The following LPAR3 variants were observed in gnomAD, a reference collection of about 807,000 sequenced individuals.
The protein encoded by LPAR3 is lysophosphatidic acid receptor 3.
LPAR3 carries 7 observed loss-of-function variants against 17.8 expected under a neutral mutation model. That is an observed-to-expected ratio of 0.39 (90% CI 0.22 to 0.74). The LOEUF is 0.74. Among genes scored for constraint, LPAR3 ranks in the 30% least tolerant of loss-of-function variants. The pLI is 0.40. For missense variants in LPAR3, 391 were observed against 453.4 expected, an observed-to-expected ratio of 0.86 and a Z score of 1.25; for synonymous variants, 179 against 179.9, an observed-to-expected ratio of 0.99 and a Z score of 0.04.
At chr1:84,873,042 T>C (rs79160134) in intron 1 of LPAR3, among the ~76,000 whole-genome samples, 1,664 of 152,178 alleles carry the variant, frequency 0.011, 37 homozygotes, top group African/African-American at 0.038. Context: ...TGACCAGTAC[T>C]CCTCAAAACT....
Position 84,841,678 on chromosome 1 carries a change from T to G in LPAR3, c.736+23707A>C, listed in dbSNP as rs995288643. Among the ~76,000 whole-genome samples, 10 of 152,236 alleles carry G rather than the reference T, an allele frequency of 6.6e-5. No homozygotes were observed. In the South Asian group the frequency reaches 1.0e-3, roughly 16 times the overall value. The stretch of plus-strand genomic sequence containing the variant: ...ACCTGCACACCCCTCTCAATCAAAC[T>G]CCCGTGTGTGGCTACACAAACACAT... On this transcript the variant is annotated intron_variant, in intron 2 of 2. Transcript: ENST00000370611.
At chr1:84,833,686 A>G (rs1250005771) in intron 2 of LPAR3, among the ~76,000 whole-genome samples, 1 of 152,220 alleles carries the variant, frequency 6.6e-6, no homozygotes, top group African/African-American at 2.4e-5. Flanking sequence ...GGCAAGGTGT[A>G]TTTAACCTGT....
At chr1:84,878,419 C>T (rs1327115896) in intron 1 of LPAR3, among the ~76,000 whole-genome samples, 1 of 152,096 alleles carries the variant, frequency 6.6e-6, no homozygotes, top group African/African-American at 2.4e-5. Flanking sequence ...CTCTTCTTTT[C>T]CCTTTAAATT....
At chr1:84,818,921 T>C (rs917896659) in intron 2 of LPAR3, among the ~76,000 whole-genome samples, 1 of 152,246 alleles carries the variant, frequency 6.6e-6, no homozygotes, top group African/African-American at 2.4e-5. Flanking sequence ...GTTTCATTTT[T>C]TTCTATGTTT....
chr1:84,873,106 C>G (rs1416135093), intron 1 of LPAR3, among the ~76,000 whole-genome samples: 2 of 152,100 alleles, frequency 1.3e-5, no homozygotes, highest in African/African-American at 2.4e-5. Context: ...CAAGAGGAGC[C>G]TAAGGAGACA....
chr1:84,834,431 A>G (rs1659355753), intron 2 of LPAR3, among the ~76,000 whole-genome samples: 1 of 152,228 alleles, frequency 6.6e-6, no homozygotes, highest in African/African-American at 2.4e-5. Context: ...ATGAGAAGAT[A>G]GATGAGCAGA....
intron 2 of LPAR3, among the ~76,000 whole-genome samples, chr1:84,815,778 A>C (rs185863296): frequency 6.6e-5 from 10 of 152,346 alleles, no homozygotes; most frequent in Admixed American, 5.2e-4. Context: ...TGGTGGGTTC[A>C]CTGAGCAGCA....
intron 1 of LPAR3, among the ~76,000 whole-genome samples, chr1:84,870,947 C>T (rs1004881517): frequency 6.6e-6 from 1 of 152,180 alleles, no homozygotes; most frequent in African/African-American, 2.4e-5. Context: ...CTGCCCCATG[C>T]TATAAAAAAT....
chr1:84,884,732 G>A (rs1277723506), intron 1 of LPAR3, among the ~76,000 whole-genome samples: 1 of 152,178 alleles, frequency 6.6e-6, no homozygotes, highest in Non-Finnish European at 1.5e-5. Flanking sequence ...CTGTCTGTAC[G>A]AAACTGGGGC....
At chr1:84,817,280 C>CACACACACACACAG (rs1658952902) in intron 2 of LPAR3, among the ~76,000 whole-genome samples, 1 of 151,836 alleles carries the variant, frequency 6.6e-6, no homozygotes, top group African/African-American at 2.4e-5. Flanking sequence ...CACACACACA[C>CACACACACACACAG]ACACACACAC....
intron 2 of LPAR3, among the ~76,000 whole-genome samples, chr1:84,833,911 G>A (rs1391633831): frequency 1.3e-5 from 2 of 152,216 alleles, no homozygotes; most frequent in African/African-American, 4.8e-5. Context: ...AGTCTGGGAA[G>A]AGCTGGAAAA....
At chr1:84,859,538 T>C (rs1334350429) in intron 2 of LPAR3, among the ~76,000 whole-genome samples, 1 of 152,176 alleles carries the variant, frequency 6.6e-6, no homozygotes, top group African/African-American at 2.4e-5. Context: ...TAACTCATGA[T>C]AGGAAATACA....
chr1:84,833,822 G>C (rs1323286801), intron 2 of LPAR3, among the ~76,000 whole-genome samples: 2 of 152,180 alleles, frequency 1.3e-5, no homozygotes, highest in Non-Finnish European at 2.9e-5. Flanking sequence ...GCTTGGTGCA[G>C]AGTAAGCCTC....
chr1:84,861,423 CCT>C (rs140181353), intron 2 of LPAR3, among the ~76,000 whole-genome samples: 2 of 151,644 alleles, frequency 1.3e-5, no homozygotes, highest in Non-Finnish European at 2.9e-5. Flanking sequence ...TCTCTCTCTC[CCT>C]CTCTCTCTCT....
intron 2 of LPAR3, among the ~76,000 whole-genome samples, chr1:84,865,171 C>T (rs923860629): frequency 4.6e-5 from 7 of 152,132 alleles, no homozygotes. Flanking sequence ...CCACAGGAGA[C>T]TCATCTTATT....
At chr1:84,868,811 C>T (rs1239472620) in intron 1 of LPAR3, among the ~76,000 whole-genome samples, 1 of 152,152 alleles carries the variant, frequency 6.6e-6, no homozygotes, top group East Asian at 1.9e-4. Flanking sequence ...GATCTTGGAC[C>T]TCCTAGCTTC....
chr1:84,878,471 T>A (rs1472390150), intron 1 of LPAR3, among the ~76,000 whole-genome samples: 1 of 152,168 alleles, frequency 6.6e-6, no homozygotes, highest in Non-Finnish European at 1.5e-5. Context: ...ATTTCCTCTA[T>A]GTGGATGACC....
At chr1:84,820,462 G>C (rs1475011467) in intron 2 of LPAR3, among the ~76,000 whole-genome samples, 1 of 152,234 alleles carries the variant, frequency 6.6e-6, no homozygotes, top group Non-Finnish European at 1.5e-5. Flanking sequence ...ACTCAGTTGA[G>C]CTGGTGCTGA....
At chr1:84,823,628 G>A (rs1659098582) in intron 2 of LPAR3, among the ~76,000 whole-genome samples, 2 of 152,138 alleles carry the variant, frequency 1.3e-5, no homozygotes, top group African/African-American at 4.8e-5. Context: ...AAAATTTAAA[G>A]CAGAGGCATA....
Sources: gnomAD v4.1 joint callset for allele counts (sites outside exome capture counted in the v4.1 genomes callset) on GRCh38, gnomAD v4.1.1 for gene constraint, MANE v1.5 for transcripts, NCBI Gene and HGNC (gene_info 2026-07-23, HGNC 2026-07-21) for gene names.